PIP5K1B: variants seen among roughly 807,000 people sequenced by gnomAD.
The protein encoded by PIP5K1B is phosphatidylinositol 4-phosphate 5-kinase type-1 beta.
PIP5K1B carries 42 observed loss-of-function variants against 67.0 expected under a neutral mutation model. The ratio of observed to expected loss-of-function variants is 0.63; its 90% CI spans 0.49 to 0.81. The LOEUF (loss-of-function observed/expected upper bound fraction) is 0.81. Among genes scored for constraint, PIP5K1B ranks in the 30% least tolerant of loss-of-function variants. The pLI, the probability that PIP5K1B is intolerant of heterozygous loss-of-function variation, is 0.00. For missense variants in PIP5K1B, 459 were observed against 646.3 expected (o/e 0.71, Z 3.14); for synonymous variants, 214 against 231.4 (o/e 0.92, Z 0.68).
intron 2 of PIP5K1B, chr9:68,789,199 C>A (rs753003480): frequency 1.9e-6 from 1 of 530,632 alleles, no homozygotes; most frequent in South Asian, 1.7e-5. Context: ...GGAAGTTGGT[C>A]ACCCACATTG....
At chr9:68,946,577 CG>C (rs1406793857) in intron 14 of PIP5K1B, among the ~76,000 whole-genome samples, 1 of 151,372 alleles carries the variant, frequency 6.6e-6, no homozygotes, top group Non-Finnish European at 1.5e-5. Context: ...TTAGTAGAGA[CG>C]GGGTTTGGGG....
intron 2 of PIP5K1B, among the ~76,000 whole-genome samples, chr9:68,797,538 A>G (rs866068476): frequency 6.6e-6 from 1 of 152,172 alleles, no homozygotes; most frequent in Non-Finnish European, 1.5e-5. Flanking sequence ...TAAAATCTTC[A>G]TTGTTTATTC....
Position 68,894,391 on chromosome 9 carries a change from G to A in PIP5K1B, c.524G>A (p.Cys175Tyr). Reference sequence around the variant, plus strand: ...TTGCCAAAATTTTACGGACTGTATTGTATGCAATCAGGAGGCATTAATATC... The same window carrying A: ...TTGCCAAAATTTTACGGACTGTATTATATGCAATCAGGAGGCATTAATATC... ...TLLPKFYGLY[C>Y]MQSGGINIRI... is the part of the protein sequence containing the mutation. Residue 175 changes from cysteine to tyrosine, a missense_variant, in exon 8 of 16, where the codon TGT becomes TAT. Physicochemically the swap from Cys to Tyr is radical, Grantham distance 194. Transcript: ENST00000265382. 1 of 1,613,900 alleles carries A rather than the reference G, an allele frequency of 6.2e-7. No homozygotes were observed. The highest frequency in any genetic ancestry group is 8.5e-7 in the Non-Finnish European group (1 of 1,179,868).
At chr9:68,780,225 G>C in intron 2 of PIP5K1B, 1 of 1,542,208 alleles carries the variant, frequency 6.5e-7, no homozygotes, top group East Asian at 2.3e-5. Flanking sequence ...CGGGAGCCCG[G>C]CGGAGGGCGG....
intron 14 of PIP5K1B, among the ~76,000 whole-genome samples, chr9:68,983,612 G>T (rs1183612469): frequency 6.6e-6 from 1 of 152,140 alleles, no homozygotes; most frequent in Non-Finnish European, 1.5e-5. Context: ...TCCATTCTAG[G>T]TGCAGTGTGC....
intron 8 of PIP5K1B, among the ~76,000 whole-genome samples, chr9:68,906,627 G>A (rs571077893): frequency 9.0e-4 from 137 of 152,276 alleles, no homozygotes; most frequent in Middle Eastern, 6.8e-3. Flanking sequence ...AAAACTGAAC[G>A]TTTATTTAAA....
At chr9:68,766,634 C>T (rs1830440234) in intron 2 of PIP5K1B, among the ~76,000 whole-genome samples, 1 of 152,036 alleles carries the variant, frequency 6.6e-6, no homozygotes, top group Non-Finnish European at 1.5e-5. Flanking sequence ...ATCTGGAATG[C>T]TTTTTATTAC....
At chr9:68,966,283 G>A (rs1161414061) in intron 14 of PIP5K1B, among the ~76,000 whole-genome samples, 1 of 152,272 alleles carries the variant, frequency 6.6e-6, no homozygotes, top group South Asian at 2.1e-4. Context: ...TCCCTTAAGC[G>A]TTGGCCACAC....
At chr9:68,923,931 C>A (rs1222788967) in intron 12 of PIP5K1B, among the ~76,000 whole-genome samples, 1 of 151,918 alleles carries the variant, frequency 6.6e-6, no homozygotes. Flanking sequence ...CTGAAAACTT[C>A]TCAAGTATTT....
Position 69,008,490 on chromosome 9 carries a change from G to C in PIP5K1B, c.*41G>C. 6.2e-7 allele frequency: 1 copy of C among 1,606,628 alleles called. No individual in the cohort carries two copies. Among genetic ancestry groups the C allele is most frequent in the Non-Finnish European group, 8.5e-7 (1 of 1,173,216 alleles). The stretch of plus-strand genomic sequence containing the variant: ...ACCTAAGCACATGGATGAGACGTGA[G>C]CACAGTTATGGCAGAGAAGTTTCTC... On this transcript the variant is annotated 3_prime_UTR_variant, in exon 16 of 16. Coordinates refer to ENST00000265382, the MANE Select transcript of PIP5K1B (RefSeq NM_003558.4).
intron 11 of PIP5K1B, among the ~76,000 whole-genome samples, chr9:68,921,265 A>G (rs966748732): frequency 1.3e-5 from 2 of 152,110 alleles, no homozygotes; most frequent in African/African-American, 2.4e-5. Context: ...GTTCAAGTCC[A>G]GTCTTGAATA....
intron 2 of PIP5K1B, among the ~76,000 whole-genome samples, chr9:68,770,250 C>T (rs1199635766): frequency 6.6e-6 from 1 of 152,200 alleles, no homozygotes. Context: ...TCCCAAGTGT[C>T]CAGTGCTATG....
At chr9:68,966,786 A>G (rs925049240) in intron 14 of PIP5K1B, 6 of 152,226 alleles carry the variant, frequency 3.9e-5, no homozygotes. Context: ...ACATTACAGA[A>G]ACCTGTACCA....
At chr9:68,737,979 G>A (rs571943204) in intron 1 of PIP5K1B, among the ~76,000 whole-genome samples, 58 of 152,312 alleles carry the variant, frequency 3.8e-4, no homozygotes, top group Middle Eastern at 3.4e-3. Flanking sequence ...AGATGTTGGA[G>A]GATGACAGAA....
intron 2 of PIP5K1B, among the ~76,000 whole-genome samples, chr9:68,786,418 ACTGT>A (rs1036376424): frequency 1.1e-4 from 16 of 151,936 alleles, no homozygotes; most frequent in South Asian, 2.1e-4. Flanking sequence ...AGTCCCTATT[ACTGT>A]CTATTTTTTT....
At chr9:68,942,667 C>T (rs534310641) in intron 14 of PIP5K1B, among the ~76,000 whole-genome samples, 8 of 152,140 alleles carry the variant, frequency 5.3e-5, no homozygotes, top group Non-Finnish European at 1.0e-4. Context: ...CTTTTATTTA[C>T]ACCGATACTG....
Position 68,785,718 on chromosome 9 carries a change from G to A in PIP5K1B, c.-85-32743G>A, listed in dbSNP as rs561118543. ...ATTCCAGAGCTGGGAGGTAGGCAGC[G>A]AATTGTGGTGGTTAGGAATATAGAC... is the stretch of plus-strand genomic sequence containing the variant. On this transcript the variant is annotated intron_variant, in intron 2 of 15. Transcript: ENST00000265382. Among the ~76,000 whole-genome samples the A allele has an allele frequency of 9.2e-5, 14 of 152,278 alleles. No individual in the cohort carries two copies. The South Asian group carries it at 2.3e-3, about 25-fold the overall frequency.
intron 4 of PIP5K1B, among the ~76,000 whole-genome samples, chr9:68,829,750 T>C (rs966775707): frequency 1.3e-5 from 2 of 152,216 alleles, no homozygotes; most frequent in Non-Finnish European, 2.9e-5. Flanking sequence ...TAAAATGTAA[T>C]TAATTAATAT....
chr9:68,782,983 A>G (rs1289302032), intron 2 of PIP5K1B: 1 of 166,850 alleles, frequency 6.0e-6, no homozygotes, highest in Non-Finnish European at 1.5e-5. Context: ...ATGAATCTCA[A>G]ATTTCTTCCC....
Sources: gnomAD v4.1 joint callset for allele counts (sites outside exome capture counted in the v4.1 genomes callset) on GRCh38, gnomAD v4.1.1 for gene constraint, MANE v1.5 for transcripts, NCBI Gene and HGNC (gene_info 2026-07-23, HGNC 2026-07-21) for gene names.